Variants in PLCB1 observed in about 807,000 individuals in gnomAD.
The protein encoded by PLCB1 is phospholipase C beta 1, also known as 1-phosphatidylinositol 4,5-bisphosphate phosphodiesterase beta-1.
A neutral mutation model predicts 161.8 loss-of-function variants in PLCB1; 46 were observed. The observed-to-expected ratio is 0.28, with a 90% CI of 0.22 to 0.36. The LOEUF is 0.36. Ranked by LOEUF, PLCB1 falls within the 10% of genes least tolerant of loss-of-function variation. The pLI, the probability that PLCB1 is intolerant of heterozygous loss-of-function variation, is 1.00. For missense variants in PLCB1, 1,016 were observed against 1,472.5 expected (o/e 0.69, Z 5.07); for synonymous variants, 517 against 503.7 (o/e 1.03, Z -0.35).
intron 12 of PLCB1, among the ~76,000 whole-genome samples, chr20:8,710,791 A>G (rs985190586): frequency 2.0e-5 from 3 of 152,028 alleles, no homozygotes; most frequent in Non-Finnish European, 2.9e-5. Context: ...TGGGATTGGC[A>G]TACTTATGTT....
chr20:8,621,412 AG>A (rs1988180197), intron 3 of PLCB1, among the ~76,000 whole-genome samples: 1 of 152,212 alleles, frequency 6.6e-6, no homozygotes, highest in African/African-American at 2.4e-5. Flanking sequence ...CTCAATGAGG[AG>A]GAAAAAGCTA....
At chr20:8,744,140 C>G (rs78703950) in intron 23 of PLCB1, among the ~76,000 whole-genome samples, 1 of 151,970 alleles carries the variant, frequency 6.6e-6, no homozygotes, top group Admixed American at 6.6e-5. Context: ...GACAAACCCT[C>G]ATGTGTACCC....
chr20:8,659,305 G>A (rs1359254321), intron 9 of PLCB1, among the ~76,000 whole-genome samples: 2 of 152,158 alleles, frequency 1.3e-5, no homozygotes, highest in East Asian at 3.9e-4. Context: ...TTGATTCTGG[G>A]AAAATGAATT....
At chr20:8,270,282 C>G (rs1430709937) in intron 2 of PLCB1, among the ~76,000 whole-genome samples, 2 of 152,138 alleles carry the variant, frequency 1.3e-5, no homozygotes, top group Non-Finnish European at 2.9e-5. Flanking sequence ...CTCCCCCACA[C>G]CCTGCCCTTC....
At chr20:8,749,310 CAA>C (rs1292777569) in intron 23 of PLCB1, among the ~76,000 whole-genome samples, 1 of 152,180 alleles carries the variant, frequency 6.6e-6, no homozygotes, top group Non-Finnish European at 1.5e-5. Flanking sequence ...CTTTCTTTCG[CAA>C]GAGTGTGGCT....
intron 2 of PLCB1, among the ~76,000 whole-genome samples, chr20:8,182,115 A>G (rs1177195002): frequency 1.3e-5 from 2 of 152,320 alleles, no homozygotes; most frequent in Middle Eastern, 3.4e-3. Context: ...TTAGTCTCAT[A>G]TCATTCTGAG....
intron 23 of PLCB1, among the ~76,000 whole-genome samples, chr20:8,742,112 C>T (rs1441881001): frequency 6.6e-6 from 1 of 151,938 alleles, no homozygotes; most frequent in African/African-American, 2.4e-5. Context: ...AATTAGATGT[C>T]ACAATGCAAA....
chr20:8,695,698 T>A (rs1359302361), intron 10 of PLCB1, among the ~76,000 whole-genome samples: 1 of 152,130 alleles, frequency 6.6e-6, no homozygotes, highest in Non-Finnish European at 1.5e-5. Flanking sequence ...TGAGATCCCA[T>A]TTCAAAGAAA....
chr20:8,332,903 A>G (rs548622717), intron 2 of PLCB1, among the ~76,000 whole-genome samples: 31 of 152,340 alleles, frequency 2.0e-4, no homozygotes, highest in African/African-American at 5.3e-4. Flanking sequence ...ATCTTATTTG[A>G]CTAAAATATT....
intron 2 of PLCB1, among the ~76,000 whole-genome samples, chr20:8,359,536 T>G (rs1390397675): frequency 1.3e-5 from 2 of 152,206 alleles, no homozygotes; most frequent in African/African-American, 4.8e-5. Flanking sequence ...TTTTATTTAT[T>G]TATTTTTAGT....
intron 3 of PLCB1, among the ~76,000 whole-genome samples, chr20:8,617,542 C>T (rs960688435): frequency 2.0e-5 from 3 of 151,804 alleles, no homozygotes; most frequent in East Asian, 1.9e-4. Context: ...TGCTAACATT[C>T]GGGGATTTGG....
chr20:8,759,855 TTTCTC>T (rs1981924979), intron 24 of PLCB1, among the ~76,000 whole-genome samples: 2 of 152,030 alleles, frequency 1.3e-5, no homozygotes, highest in South Asian at 4.1e-4. Flanking sequence ...GTGGATGTCT[TTTCTC>T]TTTTCTCTCG....
At chr20:8,159,532 T>C (rs1349219565) in intron 2 of PLCB1, among the ~76,000 whole-genome samples, 1 of 152,226 alleles carries the variant, frequency 6.6e-6, no homozygotes, top group Non-Finnish European at 1.5e-5. Flanking sequence ...CTTATGCAAA[T>C]TTCTGCAGCC....
chr20:8,756,555 G>A (rs550806421), intron 23 of PLCB1, among the ~76,000 whole-genome samples: 12 of 152,272 alleles, frequency 7.9e-5, no homozygotes, highest in Admixed American at 3.3e-4. Flanking sequence ...CATCTCAGCC[G>A]GGTTCACTCA....
chr20:8,671,638 A>T (rs1009325649), intron 9 of PLCB1, among the ~76,000 whole-genome samples: 1 of 152,224 alleles, frequency 6.6e-6, no homozygotes, highest in African/African-American at 2.4e-5. Flanking sequence ...TAAGTAAATC[A>T]TGGGAAAACT....
intron 2 of PLCB1, among the ~76,000 whole-genome samples, chr20:8,358,661 A>G (rs1441879176): frequency 6.6e-6 from 1 of 152,234 alleles, no homozygotes; most frequent in Non-Finnish European, 1.5e-5. Context: ...ACATAATAGG[A>G]AAAAGTCCCT....
rs1262561449 is a variant in PLCB1 at position 8,761,784 on chromosome 20, G to T, written c.2710+1324G>T. Among the ~76,000 whole-genome samples the T allele has an allele frequency of 2.0e-5, 3 of 150,958 alleles. No homozygotes were observed. In the East Asian group the frequency reaches 6.0e-4, roughly 30 times the overall value. On this transcript the variant is annotated intron_variant, in intron 25 of 31. Transcript: ENST00000338037. Reference sequence around the variant, plus strand: ...CCACCCGCTATTTTTAGTAGAGACGGTGATTCGCCACGTTGGCCAGGCTGG... The same window carrying T: ...CCACCCGCTATTTTTAGTAGAGACGTTGATTCGCCACGTTGGCCAGGCTGG...
At chr20:8,691,811 A>G (rs1027411076) in intron 10 of PLCB1, among the ~76,000 whole-genome samples, 1 of 152,154 alleles carries the variant, frequency 6.6e-6, no homozygotes, top group Non-Finnish European at 1.5e-5. Context: ...AAATAGATGC[A>G]CTGAATGAGT....
chr20:8,560,229 C>G (rs1175509807), intron 3 of PLCB1, among the ~76,000 whole-genome samples: 1 of 151,970 alleles, frequency 6.6e-6, no homozygotes, highest in South Asian at 2.1e-4. Context: ...GTGGACCGAA[C>G]TTTGAGAACT....
Sources: gnomAD v4.1 joint callset for allele counts (sites outside exome capture counted in the v4.1 genomes callset) on GRCh38, gnomAD v4.1.1 for gene constraint, MANE v1.5 for transcripts, NCBI Gene and HGNC (gene_info 2026-07-23, HGNC 2026-07-21) for gene names.